Variants in SLC35F3 observed in about 807,000 individuals in gnomAD.
The protein encoded by SLC35F3 is solute carrier family 35 member F3, also known as putative thiamine transporter SLC35F3.
A neutral mutation model predicts 49.9 loss-of-function variants in SLC35F3; 25 were observed. The observed-to-expected ratio is 0.50, with a 90% CI of 0.37 to 0.70. The LOEUF (loss-of-function observed/expected upper bound fraction) is 0.70. Ranked by LOEUF, SLC35F3 falls within the 30% of genes least tolerant of loss-of-function variation. The pLI, the probability that SLC35F3 is intolerant of heterozygous loss-of-function variation, is 0.00. For synonymous variants in SLC35F3, 275 were observed against 265.4 expected, an observed-to-expected ratio of 1.04 and a Z score of -0.35; for missense variants, 525 against 639.8, an observed-to-expected ratio of 0.82 and a Z score of 1.94.
At chr1:234,263,949 A>C (rs1667943720) in intron 3 of SLC35F3, among the ~76,000 whole-genome samples, 1 of 152,160 alleles carries the variant, frequency 6.6e-6, no homozygotes, top group Non-Finnish European at 1.5e-5. Context: ...TCTCTACTAA[A>C]AATACAAAAA....
chr1:234,139,012 C>T (rs1367005160), intron 2 of SLC35F3, among the ~76,000 whole-genome samples: 1 of 152,190 alleles, frequency 6.6e-6, no homozygotes, highest in Non-Finnish European at 1.5e-5. Context: ...TTTTGCAAAG[C>T]ATTTTTGGTA....
intron 2 of SLC35F3, among the ~76,000 whole-genome samples, chr1:234,220,620 C>T (rs1667189511): frequency 6.6e-6 from 1 of 152,146 alleles, no homozygotes; most frequent in African/African-American, 2.4e-5. Flanking sequence ...AGACAACTGC[C>T]ATGTGGTATG....
rs1403391880 is a variant in SLC35F3 at position 234,071,475 on chromosome 1, GA to G, written c.284-159941del. Among the ~76,000 whole-genome samples the G allele has an allele frequency of 3.3e-5, 5 of 152,276 alleles. No homozygotes were observed. The East Asian group carries it at 9.7e-4, about 29-fold the overall frequency. ...GAGCCTGTAAGTTAATGGGTGGGTG[GA>G]CAGTCCTTACGTGACCAAATTCATG... On this transcript the variant is annotated intron_variant, in intron 2 of 7. Transcript: ENST00000366618.
intron 2 of SLC35F3, among the ~76,000 whole-genome samples, chr1:233,951,317 A>G (rs1401433235): frequency 2.0e-5 from 3 of 151,932 alleles, no homozygotes; most frequent in Non-Finnish European, 4.4e-5. Flanking sequence ...CAGTGTTTAT[A>G]AAGTCTCCAG....
intron 2 of SLC35F3, among the ~76,000 whole-genome samples, chr1:234,033,292 C>T (rs747221334): frequency 6.6e-6 from 1 of 152,130 alleles, no homozygotes; most frequent in Non-Finnish European, 1.5e-5. Context: ...AAGATTTTCT[C>T]CCACTCTGTG....
intron 2 of SLC35F3, among the ~76,000 whole-genome samples, chr1:233,997,939 A>G (rs913597721): frequency 6.6e-6 from 1 of 152,004 alleles, no homozygotes; most frequent in Admixed American, 6.6e-5. Flanking sequence ...TTTAGTAGAT[A>G]TGGGGTTTCA....
intron 2 of SLC35F3, among the ~76,000 whole-genome samples, chr1:234,216,314 C>G (rs1206175765): frequency 6.6e-6 from 1 of 152,176 alleles, no homozygotes; most frequent in Non-Finnish European, 1.5e-5. Context: ...TGGGAAACTC[C>G]CAGCCCACCT....
intron 2 of SLC35F3, among the ~76,000 whole-genome samples, chr1:234,062,862 T>C (rs1297052469): frequency 6.9e-6 from 1 of 143,968 alleles, no homozygotes; most frequent in Non-Finnish European, 1.6e-5. Context: ...TTTTTTTTTT[T>C]GTATTTTTAG....
chr1:234,123,995 A>G (rs891867878), intron 2 of SLC35F3, among the ~76,000 whole-genome samples: 1 of 152,212 alleles, frequency 6.6e-6, no homozygotes, highest in Non-Finnish European at 1.5e-5. Context: ...TGAGGTTGAT[A>G]TCTCAGACAC....
intron 2 of SLC35F3, among the ~76,000 whole-genome samples, chr1:234,099,535 TG>T (rs1349039460): frequency 6.9e-6 from 1 of 144,264 alleles, no homozygotes; most frequent in African/African-American, 2.6e-5. Flanking sequence ...GCTTGAACCC[TG>T]GAGGTGGACG....
intron 2 of SLC35F3, among the ~76,000 whole-genome samples, chr1:234,055,118 A>G (rs1664436806): frequency 6.6e-6 from 1 of 152,124 alleles, no homozygotes; most frequent in African/African-American, 2.4e-5. Context: ...GGCAGTCTGT[A>G]GGTTCTCAGA....
intron 2 of SLC35F3, among the ~76,000 whole-genome samples, chr1:234,005,888 C>T (rs1029879275): frequency 4.6e-5 from 7 of 152,126 alleles, no homozygotes; most frequent in African/African-American, 1.4e-4. Flanking sequence ...GACTGGATCA[C>T]GCATCCTGAC....
intron 2 of SLC35F3, among the ~76,000 whole-genome samples, chr1:234,040,151 G>T (rs1001011111): frequency 5.9e-5 from 9 of 152,136 alleles, no homozygotes; most frequent in Non-Finnish European, 1.2e-4. Flanking sequence ...GACAGTAAAG[G>T]CAGGTCACTC....
chr1:234,230,211 A>G (rs1667345787), intron 2 of SLC35F3, among the ~76,000 whole-genome samples: 1 of 152,274 alleles, frequency 6.6e-6, no homozygotes, highest in African/African-American at 2.4e-5. Context: ...CAGATACAGC[A>G]CAGCTGGTGG....
At chr1:234,154,329 C>A (rs1233700524) in intron 2 of SLC35F3, among the ~76,000 whole-genome samples, 1 of 152,116 alleles carries the variant, frequency 6.6e-6, no homozygotes, top group African/African-American at 2.4e-5. Context: ...AGCACACACC[C>A]TAATGTCTTG....
intron 2 of SLC35F3, among the ~76,000 whole-genome samples, chr1:234,069,956 A>G (rs1182932346): frequency 1.3e-5 from 2 of 152,288 alleles, no homozygotes; most frequent in South Asian, 4.1e-4. Context: ...GGCCTTGGTT[A>G]TACAGGAATG....
chr1:234,235,193 C>G (rs1395304857), intron 3 of SLC35F3, among the ~76,000 whole-genome samples: 3 of 152,196 alleles, frequency 2.0e-5, no homozygotes, highest in African/African-American at 7.2e-5. Flanking sequence ...CAGCCCCTGC[C>G]TTAGTCTTCC....
At chr1:234,039,491 C>T (rs1304370195) in intron 2 of SLC35F3, among the ~76,000 whole-genome samples, 1 of 152,172 alleles carries the variant, frequency 6.6e-6, no homozygotes, top group Admixed American at 6.5e-5. Context: ...CAACATTAAA[C>T]TGTATTCATT....
intron 2 of SLC35F3, chr1:234,026,855 C>T (rs751895402): frequency 2.0e-5 from 3 of 152,270 alleles, no homozygotes; most frequent in Non-Finnish European, 4.4e-5. Flanking sequence ...ACCATTTTCT[C>T]AGCAAAGTGT....
Sources: allele counts gnomAD v4.1 joint callset (sites outside exome capture counted in the v4.1 genomes callset), GRCh38; gene constraint gnomAD v4.1.1; transcripts MANE v1.5; gene names NCBI Gene and HGNC (gene_info 2026-07-23, HGNC 2026-07-21).